The following ADAMTSL1 variants were observed in gnomAD, a reference collection of about 807,000 sequenced individuals.
ADAMTSL1 encodes the protein ADAMTS like 1, also known as ADAMTS-like protein 1.
ADAMTSL1 carries 126 observed loss-of-function variants against 201.8 expected under a neutral mutation model. The observed-to-expected ratio is 0.62, with a 90% confidence interval of 0.54 to 0.72. The LOEUF is 0.72. ADAMTSL1 is among the 30% of genes least tolerant of loss of function. The pLI, the probability that ADAMTSL1 is intolerant of heterozygous loss-of-function variation, is 0.00. For missense variants in ADAMTSL1, 2,679 were observed against 2,277.8 expected, an observed-to-expected ratio of 1.18 and a Z score of -3.59; for synonymous variants, 1,121 against 903.4, an observed-to-expected ratio of 1.24 and a Z score of -4.32.
At chr9:18,310,432 C>T (rs1413770992) in intron 2 of ADAMTSL1, among the ~76,000 whole-genome samples, 2 of 97,658 alleles carry the variant, frequency 2.0e-5, no homozygotes, top group African/African-American at 3.7e-5. Flanking sequence ...ACCTATAGAA[C>T]GGGAGAAAAA....
intron 25 of ADAMTSL1, among the ~76,000 whole-genome samples, chr9:18,891,914 G>T (rs1283271745): frequency 6.6e-6 from 1 of 152,184 alleles, no homozygotes; most frequent in African/African-American, 2.4e-5. Flanking sequence ...AAGTTTGAAG[G>T]CCAAAAGTCC....
intron 3 of ADAMTSL1, among the ~76,000 whole-genome samples, chr9:18,537,865 C>G (rs79502831): frequency 2.9e-5 from 4 of 137,018 alleles, no homozygotes; most frequent in Non-Finnish European, 4.6e-5. Context: ...CAGAGCAAGA[C>G]CTTGTCTCTA....
chr9:18,693,765 A>G (rs556421506), intron 13 of ADAMTSL1, among the ~76,000 whole-genome samples: 1 of 152,248 alleles, frequency 6.6e-6, no homozygotes, highest in Non-Finnish European at 1.5e-5. Flanking sequence ...AGTGAGGGGG[A>G]CAATTATTAC....
At chr9:18,194,741 C>T (rs1039356211) in intron 2 of ADAMTSL1, among the ~76,000 whole-genome samples, 1 of 152,116 alleles carries the variant, frequency 6.6e-6, no homozygotes, top group Non-Finnish European at 1.5e-5. Flanking sequence ...AGAGGAGAAG[C>T]AGTGCTCCCC....
intron 2 of ADAMTSL1, among the ~76,000 whole-genome samples, chr9:18,323,553 T>C (rs1834710637): frequency 6.6e-6 from 1 of 152,096 alleles, no homozygotes; most frequent in African/African-American, 2.4e-5. Context: ...CCCATAAAAT[T>C]AGCAAGAAAG....
chr9:18,762,800 G>T (rs115323691), intron 16 of ADAMTSL1, among the ~76,000 whole-genome samples: 1,538 of 152,240 alleles, frequency 0.01, 31 homozygotes, highest in African/African-American at 0.035. Flanking sequence ...ATAACCTCCA[G>T]TTCCATCCAT....
rs1419735319 is a variant in ADAMTSL1, at chr9:18,681,947, T to C, written c.1477T>C (p.Tyr493His). The C allele has an allele frequency of 6.2e-7, 1 of 1,614,144 alleles. No homozygotes were observed. The highest frequency in any genetic ancestry group is 1.7e-5 in the Admixed American group (1 of 60,020). The change falls in exon 12 of 29, where the codon TAT becomes CAT. Residue 493 changes from tyrosine to histidine, a missense_variant. Tyr to His is a moderately conservative substitution (Grantham distance 83, BLOSUM62 2). Transcript: ENST00000380548. ...GGAATGCATCGTACCCACTCCCTGC[T>C]ATAAACCCAAAGGTAACTTGACAGG... ...KEECIVPTPCYKPKEKLPVEA... is the reference protein window; with the variant it reads ...KEECIVPTPCHKPKEKLPVEA...
intron 1 of ADAMTSL1, among the ~76,000 whole-genome samples, chr9:18,119,539 G>T (rs1587093763): frequency 6.6e-6 from 1 of 152,048 alleles, no homozygotes; most frequent in Non-Finnish European, 1.5e-5. Context: ...CTGACCTCAG[G>T]TGATCCGCCC....
chr9:18,724,550 T>G (rs959196554), intron 15 of ADAMTSL1, among the ~76,000 whole-genome samples: 5 of 152,268 alleles, frequency 3.3e-5, no homozygotes, highest in Non-Finnish European at 7.3e-5. Context: ...CTACATTTTT[T>G]AGAACACTTT....
At chr9:18,621,063 C>T (rs1050001038) in intron 4 of ADAMTSL1, among the ~76,000 whole-genome samples, 2 of 152,146 alleles carry the variant, frequency 1.3e-5, no homozygotes, top group African/African-American at 4.8e-5. Flanking sequence ...GCAAGACGAA[C>T]TGTGAGGACT....
intron 1 of ADAMTSL1, among the ~76,000 whole-genome samples, chr9:18,485,583 G>A (rs1307323891): frequency 6.6e-6 from 1 of 152,198 alleles, no homozygotes; most frequent in Non-Finnish European, 1.5e-5. Context: ...TTTTCTGTCT[G>A]ATGTGTCCCA....
At chr9:18,640,366 G>A (rs10963695) in intron 7 of ADAMTSL1, among the ~76,000 whole-genome samples, 13,059 of 152,194 alleles carry the variant, frequency 0.086, 601 homozygotes, top group South Asian at 0.13. Context: ...AGAAAATCCA[G>A]TAAAGAAGTG....
intron 5 of ADAMTSL1, among the ~76,000 whole-genome samples, chr9:18,635,668 A>G (rs1298417661): frequency 6.6e-6 from 1 of 152,220 alleles, no homozygotes; most frequent in East Asian, 1.9e-4. Flanking sequence ...TTTAAAATCG[A>G]AAATGAAAAC....
chr9:18,431,897 T>A (rs1819509046), intron 2 of ADAMTSL1, among the ~76,000 whole-genome samples: 2 of 152,208 alleles, frequency 1.3e-5, no homozygotes, highest in East Asian at 1.9e-4. Flanking sequence ...GGTTGTTTTT[T>A]AAATTCATGT....
At chr9:18,859,731 G>A (rs1827090486) in intron 23 of ADAMTSL1, among the ~76,000 whole-genome samples, 1 of 152,166 alleles carries the variant, frequency 6.6e-6, no homozygotes, top group Admixed American at 6.5e-5. Flanking sequence ...TATGTACTAG[G>A]AAATTCACCA....
At chr9:18,681,697 T>TGTCGG (rs370940110) in intron 11 of ADAMTSL1, 115 bp from the exon 12 acceptor site, 4 of 240,320 alleles carry the variant, frequency 1.7e-5, no homozygotes, top group African/African-American at 1.3e-4. Flanking sequence ...AGTCCTCGTG[T>TGTCGG]GGGGGGGGGG....
At chr9:18,437,205 C>A (rs12005935) in intron 2 of ADAMTSL1, among the ~76,000 whole-genome samples, 4,355 of 152,104 alleles carry the variant, frequency 0.029, 192 homozygotes, top group African/African-American at 0.099. Flanking sequence ...TCTTCATTTC[C>A]CAACTTCCTC....
intron 4 of ADAMTSL1, among the ~76,000 whole-genome samples, chr9:18,620,705 C>G (rs1587723179): frequency 6.6e-6 from 1 of 152,212 alleles, no homozygotes; most frequent in Non-Finnish European, 1.5e-5. Flanking sequence ...TTGAGGCAAA[C>G]TGCTCCTCAG....
chr9:18,150,047 G>C (rs1826840247), intron 1 of ADAMTSL1, among the ~76,000 whole-genome samples: 1 of 152,072 alleles, frequency 6.6e-6, no homozygotes, highest in Admixed American at 6.6e-5. Context: ...GAATTATTCA[G>C]TTAGAGGTTC....
Sources: gnomAD v4.1 joint callset for allele counts (sites outside exome capture counted in the v4.1 genomes callset) on GRCh38, gnomAD v4.1.1 for gene constraint, MANE v1.5 for transcripts, NCBI Gene and HGNC (gene_info 2026-07-23, HGNC 2026-07-21) for gene names.